The following HNF4G variants were observed in gnomAD, a reference collection of about 807,000 sequenced individuals.
HNF4G encodes the protein hepatocyte nuclear factor 4-gamma.
In HNF4G, 21 loss-of-function variants were observed where a neutral mutation model predicts 50.9. That is an observed-to-expected ratio of 0.41 (90% confidence interval 0.29 to 0.59). HNF4G has a LOEUF of 0.59. Among genes scored for constraint, HNF4G ranks in the 20% least tolerant of loss-of-function variants. The probability of loss-of-function intolerance (pLI) is 0.26; values close to 1 mark genes in which losing one functional copy is unlikely to be tolerated. For synonymous variants in HNF4G, 198 were observed against 185.6 expected, an observed-to-expected ratio of 1.07 and a Z score of -0.54; for missense variants, 527 against 559.4, an observed-to-expected ratio of 0.94 and a Z score of 0.58.
At chr8:75,438,716 G>A (rs1394813878) in intron 1 of HNF4G, among the ~76,000 whole-genome samples, 1 of 151,610 alleles carries the variant, frequency 6.6e-6, no homozygotes, top group Non-Finnish European at 1.5e-5. Context: ...GCTTTCAAAA[G>A]TAAAAACAAT....
At chr8:75,555,933 A>G (rs745745868) in intron 5 of HNF4G, 49 bp from the exon 6 acceptor site, 4 of 1,026,634 alleles carry the variant, frequency 3.9e-6, no homozygotes, top group Non-Finnish European at 5.6e-6. Context: ...GTCATCTTTT[A>G]ATCATTATAT....
At chr8:75,561,719 T>C (rs1241404107) in intron 9 of HNF4G, among the ~76,000 whole-genome samples, 1 of 152,180 alleles carries the variant, frequency 6.6e-6, no homozygotes, top group East Asian at 1.9e-4. Flanking sequence ...ACTTGAACCA[T>C]GTTGTTGCCA....
At chr8:75,554,034 AG>A (rs989348380) in intron 5 of HNF4G, among the ~76,000 whole-genome samples, 88 of 148,930 alleles carry the variant, frequency 5.9e-4, no homozygotes, top group African/African-American at 2.2e-3. Context: ...AACCATGGTA[AG>A]TGTTATAACC....
intron 1 of HNF4G, among the ~76,000 whole-genome samples, chr8:75,456,102 T>G (rs549862255): frequency 3.3e-5 from 5 of 152,230 alleles, no homozygotes; most frequent in African/African-American, 1.2e-4. Context: ...TGTTCAGAAG[T>G]ACACAGAATT....
intron 2 of HNF4G, among the ~76,000 whole-genome samples, chr8:75,530,105 C>T (rs1806290154): frequency 6.6e-6 from 1 of 152,212 alleles, no homozygotes; most frequent in East Asian, 1.9e-4. Context: ...CTGGACCTGT[C>T]CCACTCGTCT....
chr8:75,524,633 G>A (rs1806133611), intron 2 of HNF4G, among the ~76,000 whole-genome samples: 1 of 152,160 alleles, frequency 6.6e-6, no homozygotes. Flanking sequence ...TGAGGGAAAA[G>A]ATGGAGTAAG....
intron 2 of HNF4G, among the ~76,000 whole-genome samples, chr8:75,524,882 A>G (rs1487759193): frequency 2.0e-5 from 3 of 152,222 alleles, no homozygotes; most frequent in Non-Finnish European, 2.9e-5. Flanking sequence ...AATTATGCCA[A>G]AATAAAATTA....
chr8:75,518,320 C>G (rs1048572862), intron 2 of HNF4G, among the ~76,000 whole-genome samples: 1 of 151,904 alleles, frequency 6.6e-6, no homozygotes, highest in Non-Finnish European at 1.5e-5. Context: ...GACAGGAACT[C>G]ATCATTTTTT....
intron 1 of HNF4G, among the ~76,000 whole-genome samples, chr8:75,433,785 A>G (rs1056395047): frequency 9.9e-5 from 15 of 152,152 alleles, no homozygotes; most frequent in Admixed American, 3.9e-4. Context: ...ATATATCATT[A>G]CAGTTGGAAA....
At chr8:75,535,039 A>T (rs997194379), upstream of HNF4G, among the ~76,000 whole-genome samples, 3 of 151,806 alleles carry the variant, frequency 2.0e-5, no homozygotes, top group African/African-American at 7.2e-5. Flanking sequence ...GCATAGATCT[A>T]AACTGAACAA....
At chr8:75,468,055 A>G (rs1025521211) in intron 1 of HNF4G, among the ~76,000 whole-genome samples, 1 of 152,244 alleles carries the variant, frequency 6.6e-6, no homozygotes, top group Admixed American at 6.5e-5. Context: ...TGTTCCATAC[A>G]AATAATTATA....
chr8:75,535,189 A>T (rs1431871692), upstream of HNF4G, among the ~76,000 whole-genome samples: 1 of 151,840 alleles, frequency 6.6e-6, no homozygotes, highest in South Asian at 2.1e-4. Context: ...TTGTATATAC[A>T]TGGTAGTGAC....
intron 1 of HNF4G, among the ~76,000 whole-genome samples, chr8:75,481,038 G>A (rs1382942103): frequency 6.6e-6 from 1 of 152,108 alleles, no homozygotes; most frequent in Non-Finnish European, 1.5e-5. Flanking sequence ...TCTCACCAGA[G>A]GATGGAATTA....
Position 75,494,299 on chromosome 8 carries a change from AGCACACACACACACACACAC to A in HNF4G, c.-24+4092_-24+4111del, listed in dbSNP as rs1293374701. ...GAAAAAAGCTACTGCTCTCCCATAC[AGCACACACACACACACACAC>A]ACACACACACACACACACACACACA... On this transcript the variant is annotated intron_variant, in intron 2 of 10. Transcript: ENST00000354370. 1.7e-3 allele frequency among the ~76,000 whole-genome samples: 228 copies of A among 137,140 alleles called. 1 individual carries two copies. Among genetic ancestry groups the A allele is most frequent in the African/African-American group, 5.0e-3 (193 of 38,930 alleles). The allele number at this position is 137,140 out of a possible 152,430, so 90.0% of individuals were successfully genotyped here.
intron 2 of HNF4G, among the ~76,000 whole-genome samples, chr8:75,491,923 C>A (rs3824147): frequency 0.52 from 79,729 of 151,980 alleles, 23,281 homozygotes; most frequent in African/African-American, 0.79. Context: ...ACAATGCTTG[C>A]CCCAAACAAG....
At chr8:75,554,492 C>G (rs895931330) in intron 5 of HNF4G, among the ~76,000 whole-genome samples, 1 of 152,078 alleles carries the variant, frequency 6.6e-6, no homozygotes, top group Non-Finnish European at 1.5e-5. Context: ...TTCAGTTGCA[C>G]TATAAATTAC....
intron 1 of HNF4G, among the ~76,000 whole-genome samples, chr8:75,468,501 C>T (rs1812041914): frequency 6.6e-6 from 1 of 152,044 alleles, no homozygotes; most frequent in Non-Finnish European, 1.5e-5. Flanking sequence ...CGAGACCAGC[C>T]TGACCAACAT....
At chr8:75,430,826 T>G (rs1428392859) in intron 1 of HNF4G, among the ~76,000 whole-genome samples, 3 of 152,010 alleles carry the variant, frequency 2.0e-5, no homozygotes, top group Non-Finnish European at 4.4e-5. Flanking sequence ...AGATAATCAC[T>G]AAATACAAAC....
intron 2 of HNF4G, among the ~76,000 whole-genome samples, chr8:75,507,380 C>G (rs865999969): frequency 2.6e-5 from 4 of 151,994 alleles, no homozygotes; most frequent in Middle Eastern, 3.4e-3. Context: ...TCTGCCACAG[C>G]CTCCCGAGTA....
Sources: allele counts gnomAD v4.1 joint callset (sites outside exome capture counted in the v4.1 genomes callset), GRCh38; gene constraint gnomAD v4.1.1; transcripts MANE v1.5; gene names NCBI Gene and HGNC (gene_info 2026-07-23, HGNC 2026-07-21).